Variants in EP400 observed in about 807,000 individuals in gnomAD.
The protein encoded by EP400 is E1A binding protein p400, also known as E1A-binding protein p400.
A neutral mutation model predicts 354.1 loss-of-function variants in EP400; 105 were observed. That is an observed-to-expected ratio of 0.30 (90% CI 0.25 to 0.35). EP400 has a LOEUF of 0.35. Among genes scored for constraint, EP400 ranks in the 10% least tolerant of loss-of-function variants. EP400 has a pLI of 1.00. For synonymous variants in EP400, 1,646 were observed against 1,716.9 expected, an observed-to-expected ratio of 0.96 and a Z score of 1.02; for missense variants, 3,280 against 4,121.0, an observed-to-expected ratio of 0.80 and a Z score of 5.59.
chr12:131,950,984 C>G (rs1256649407), intron 1 of EP400, among the ~76,000 whole-genome samples: 2 of 152,070 alleles, frequency 1.3e-5, no homozygotes, highest in African/African-American at 2.4e-5. Context: ...ACTGCAACCT[C>G]CGCCTCCCAG....
rs1256855137 is a variant in EP400 at position 131,961,200 on chromosome 12, A to G, written c.581A>G (p.Asp194Gly). ...PSSGGHFVFQ[D>G]GSGLTQIAQG... ...AGTGGTGGACACTTTGTGTTTCAGG[A>G]TGGGTCAGGGCTCACCCAGATCGCC... is the stretch of plus-strand genomic sequence containing the variant. The change falls in exon 2 of 53, where the codon GAT becomes GGT. Residue 194 changes from aspartate (D) to glycine (G), a missense_variant. Physicochemically the swap from Asp to Gly is moderately conservative, Grantham distance 94 (BLOSUM62 -1). Coordinates refer to ENST00000389561, the MANE Select transcript of EP400 (RefSeq NM_015409.5). The G allele has an allele frequency of 4.6e-6, 7 of 1,533,078 alleles. No individual in the cohort carries two copies. In the Admixed American group the frequency reaches 1.2e-4, roughly 26 times the overall value. The allele number at this position is 1,533,078 out of a possible 1,614,324, so 95.0% of individuals were successfully genotyped here.
In EP400 at chr12:132,012,937, G is replaced by A. The variant is rs571564819; in HGVS notation, c.3442-72G>A. On this transcript the variant is annotated intron_variant, in intron 16 of 52. Transcript: ENST00000389561. ...GTCACTGGGTGGCAAGCTTTGGGAA[G>A]TGTGTGTCCTCAAGGTGATTTTGAA... 86 of 1,462,214 alleles carry A rather than the reference G, an allele frequency of 5.9e-5. No individual in the cohort carries two copies. In the South Asian group the frequency reaches 1.1e-3, roughly 19 times the overall value. The allele number at this position is 1,462,214 out of a possible 1,614,324, so 90.6% of individuals were successfully genotyped here.
intron 6 of EP400, among the ~76,000 whole-genome samples, chr12:131,987,314 G>C (rs1350834266): frequency 6.6e-6 from 1 of 152,222 alleles, no homozygotes; most frequent in African/African-American, 2.4e-5. Flanking sequence ...ACAGTGATCA[G>C]TATGCAGCTA....
chr12:131,990,763 C>T lies in EP400; in HGVS notation c.2629+49C>T, dbSNP rs375072867. On this transcript the variant is annotated intron_variant, in intron 9 of 52. Transcript: ENST00000389561. The surrounding 1 kb of genome is among the most constrained non-coding windows in gnomAD (Gnocchi z 4.2). ...CACCACGCTTGGGTGGTATTTTGTT[C>T]GGATTCTTTTCTCAGCAGGCAGTCT... The T allele has an allele frequency of 9.4e-5, 133 of 1,416,146 alleles. 1 individual carries two copies. Among genetic ancestry groups the T allele is most frequent in the African/African-American group, 8.3e-4 (58 of 69,762 alleles). 87.7% of individuals were successfully genotyped at this position (1,416,146 alleles called of 1,614,324 possible).
chr12:132,007,681 T>TC (rs778670985), intron 15 of EP400, among the ~76,000 whole-genome samples: 8 of 152,246 alleles, frequency 5.3e-5, no homozygotes, highest in Admixed American at 3.9e-4. Context: ...GGAATGTGGT[T>TC]CCCACTATAT....
At chr12:131,979,310 G>A (rs1427656712) in intron 2 of EP400, among the ~76,000 whole-genome samples, 2 of 152,048 alleles carry the variant, frequency 1.3e-5, no homozygotes, top group Non-Finnish European at 2.9e-5. Context: ...TTTATTATTC[G>A]GTGTTTTTGG....
chr12:132,067,437 A>T lies in EP400; in HGVS notation c.8825A>T (p.Lys2942Met). The part of the protein sequence containing the change: ...KLKQQAVQQQ[K>M]AIQPQAAQGP... ...AAGCAGCAGGCCGTCCAGCAGCAGAAGGCCATCCAGCCCCAGGCTGCACAG... is the reference window on the plus strand; with the variant it reads ...AAGCAGCAGGCCGTCCAGCAGCAGATGGCCATCCAGCCCCAGGCTGCACAG... The change falls in exon 50 of 53, where the codon AAG becomes ATG. Residue 2942 changes from lysine to methionine, a missense_variant. This residue lies in a region of EP400 where 279 missense variants were observed against 386.7 expected (regional missense o/e 0.72). Transcript: ENST00000389561. The surrounding 1 kb of genome is among the most constrained non-coding windows in gnomAD (Gnocchi z 5.3). 1 of 1,613,414 alleles carries T rather than the reference A, an allele frequency of 6.2e-7. No homozygotes were observed. The highest frequency in any genetic ancestry group is 8.5e-7 in the Non-Finnish European group (1 of 1,180,024).
intron 39 of EP400, among the ~76,000 whole-genome samples, chr12:132,046,548 T>C (rs1895104197): frequency 6.6e-6 from 1 of 152,216 alleles, no homozygotes; most frequent in Non-Finnish European, 1.5e-5. Context: ...CTATAAGTAT[T>C]GCAAATGTTT....
rs370380662 is a variant in EP400 at position 132,060,552 on chromosome 12, G to A, written c.7885-1558G>A. On this transcript the variant is annotated intron_variant, in intron 45 of 52. Transcript: ENST00000389561. ...AGCAGCAGTGAGGCCGGGAGCCAGC[G>A]GGGGTCGTTGTCGTGCCAGGGAAAG... 3.9e-5 allele frequency among the ~76,000 whole-genome samples: 6 copies of A among 152,186 alleles called. No individual in the cohort carries two copies. The East Asian group carries it at 7.7e-4, about 20-fold the overall frequency.
At position 132,054,119 on chromosome 12, in the gene EP400, T is replaced by C. The variant is rs2136592930; in HGVS notation, c.7728+522T>C. On this transcript the variant is annotated intron_variant, in intron 43 of 52. Coordinates refer to ENST00000389561, the MANE Select transcript of EP400 (RefSeq NM_015409.5). This position sits in a 1 kb window ranked among gnomAD's most constrained non-coding sequence, Gnocchi z 4.0. The stretch of plus-strand genomic sequence containing the variant: ...CGGACTGTGGCCATGCACACCACGC[T>C]CTGGTGTATCTCTGTACTGTGTGCG... Among the ~76,000 whole-genome samples, 1 of 152,302 alleles carries C rather than the reference T, an allele frequency of 6.6e-6. No individual in the cohort carries two copies. Among genetic ancestry groups the C allele is most frequent in the East Asian group, 1.9e-4 (1 of 5,178 alleles).
chr12:132,036,846 ACTATTT>A (rs1001333619), intron 30 of EP400, among the ~76,000 whole-genome samples: 1 of 152,224 alleles, frequency 6.6e-6, no homozygotes, highest in African/African-American at 2.4e-5. Context: ...TTGTCCATCC[ACTATTT>A]CCCTTTATCA....
chr12:132,067,077 C>T lies in EP400; in HGVS notation c.8749+108C>T. On this transcript the variant is annotated intron_variant, in intron 49 of 52. Transcript: ENST00000389561. This position sits in a 1 kb window ranked among gnomAD's most constrained non-coding sequence, Gnocchi z 5.3. ...CGTGTTCTTTCCTCACACCCACCCA[C>T]TTGAGCGTGCCATCACGTGTTCTAG... The T allele has an allele frequency of 7.4e-7, 1 of 1,350,404 alleles. No individual in the cohort carries two copies. Among genetic ancestry groups the T allele is most frequent in the Non-Finnish European group, 9.8e-7 (1 of 1,022,372 alleles). The allele number at this position is 1,350,404 out of a possible 1,614,324, so 83.7% of individuals were successfully genotyped here. A position where few individuals can be genotyped will look rare whatever the true frequency, so the allele number is the denominator to read the frequency against.
intron 32 of EP400, among the ~76,000 whole-genome samples, chr12:132,042,865 G>A (rs1223888150): frequency 1.3e-5 from 2 of 152,212 alleles, no homozygotes; most frequent in East Asian, 1.9e-4. Context: ...CTGCTGTAAC[G>A]TTGGGCTGTC....
intron 2 of EP400, among the ~76,000 whole-genome samples, chr12:131,965,335 C>T (rs1445710365): frequency 6.6e-6 from 1 of 152,010 alleles, no homozygotes; most frequent in East Asian, 1.9e-4. Context: ...AAACTTTTAC[C>T]CACTAGTTCT....
At chr12:132,005,346 C>T (rs977907593) in intron 13 of EP400, among the ~76,000 whole-genome samples, 162 bp downstream of exon 13, 3 of 152,024 alleles carry the variant, frequency 2.0e-5, no homozygotes, top group South Asian at 2.1e-4. Flanking sequence ...TATTAAATTC[C>T]GTGCTTTTAA....
chr12:132,027,292 G>A lies in EP400; in HGVS notation c.5015-145G>A. On this transcript the variant is annotated intron_variant, in intron 25 of 52. Coordinates refer to ENST00000389561, the MANE Select transcript of EP400 (RefSeq NM_015409.5). This position sits in a 1 kb window ranked among gnomAD's most constrained non-coding sequence, Gnocchi z 4.9. ...ACATTCCAGGCATGTGCTGGTGGAG[G>A]ATGAGGACTTGGGGACATGCCGTTG... 1 of 762,586 alleles carries A rather than the reference G, an allele frequency of 1.3e-6. No homozygotes were observed. 47.2% of individuals were successfully genotyped at this position (762,586 alleles called of 1,614,324 possible).
intron 11 of EP400, among the ~76,000 whole-genome samples, chr12:131,993,920 A>G (rs1018779487): frequency 6.6e-6 from 1 of 152,228 alleles, no homozygotes; most frequent in South Asian, 2.1e-4. Context: ...TTTAATGCCT[A>G]AAGATGTCTT....
In EP400 at chr12:132,077,923, T is replaced by C; in HGVS notation, c.*250T>C. ...TGACAACATGGCTTCCTCTAAATCA[T>C]TTCACCTTTCAGTCCCCACCCGCAC... On this transcript the variant is annotated 3_prime_UTR_variant, in exon 53 of 53. Transcript: ENST00000389561. 1 of 529,382 alleles carries C rather than the reference T, an allele frequency of 1.9e-6. No homozygotes were observed. Among genetic ancestry groups the C allele is most frequent in the Non-Finnish European group, 3.3e-6 (1 of 301,950 alleles). 32.8% of individuals were successfully genotyped at this position (529,382 alleles called of 1,614,324 possible). A position where few individuals can be genotyped will look rare whatever the true frequency, so the allele number is the denominator to read the frequency against.
rs146821134 is a variant in EP400, at chr12:132,042,315, T to A, written c.6208-989T>A. The stretch of plus-strand genomic sequence containing the variant: ...TGTATCCCGATAAAAGGCCTTTGTT[T>A]GATACACTTGACATATCTTTCCCAT... On this transcript the variant is annotated intron_variant, in intron 32 of 52. Coordinates refer to ENST00000389561, the MANE Select transcript of EP400 (RefSeq NM_015409.5). Among the ~76,000 whole-genome samples the A allele has an allele frequency of 2.0e-3, 306 of 152,358 alleles. 1 individual carries two copies. Among genetic ancestry groups the A allele is most frequent in the African/African-American group, 7.0e-3 (290 of 41,590 alleles).
Sources: gnomAD v4.1 joint callset for allele counts (sites outside exome capture counted in the v4.1 genomes callset) on GRCh38, gnomAD v4.1.1 for gene constraint, gnomAD v4.1.1 regional missense constraint, Gnocchi (gnomAD v3.1) non-coding constraint, MANE v1.5 for transcripts, NCBI Gene and HGNC (gene_info 2026-07-23, HGNC 2026-07-21) for gene names.